CAP2: variants seen among roughly 807,000 people sequenced by gnomAD.
The protein encoded by CAP2 is cyclase associated actin cytoskeleton regulatory protein 2.
CAP2 carries 24 observed loss-of-function variants against 57.7 expected under a neutral mutation model. That is an observed-to-expected ratio of 0.42 (90% confidence interval 0.30 to 0.58). The LOEUF (loss-of-function observed/expected upper bound fraction) is 0.58. Among genes scored for constraint, CAP2 ranks in the 20% least tolerant of loss-of-function variants. The pLI is 0.22. For missense variants in CAP2, 501 were observed against 590.3 expected, an observed-to-expected ratio of 0.85 and a Z score of 1.57; for synonymous variants, 194 against 207.2, an observed-to-expected ratio of 0.94 and a Z score of 0.55.
chr6:17,477,982 C>T (rs1336514913), intron 4 of CAP2, among the ~76,000 whole-genome samples: 1 of 147,950 alleles, frequency 6.8e-6, no homozygotes, highest in African/African-American at 2.5e-5. Context: ...TTCCACTTTT[C>T]ATATATATGA....
At position 17,539,475 on chromosome 6, in the gene CAP2, G is replaced by A. The variant is rs767017305; in HGVS notation, c.826+17G>A. On this transcript the variant is annotated intron_variant, in intron 8 of 12. Transcript: ENST00000229922. ...TTACAAAAGGTGAGAGAGAAAAGAA[G>A]ACCTTGAAGCTGCCTCCCTTTCCCT... The A allele has an allele frequency of 3.7e-6, 6 of 1,603,204 alleles. No individual in the cohort carries two copies. In the African/African-American group the frequency reaches 6.7e-5, roughly 18 times the overall value.
intron 2 of CAP2, 121 bp from the exon 3 acceptor site, chr6:17,426,469 A>C (rs1313776583): frequency 1.4e-6 from 1 of 697,468 alleles, no homozygotes; most frequent in Non-Finnish European, 2.6e-6. Context: ...TCCTGACCTC[A>C]GGTGATCTGC....
intron 4 of CAP2, among the ~76,000 whole-genome samples, chr6:17,480,093 T>C (rs1170812301): frequency 6.6e-6 from 1 of 152,124 alleles, no homozygotes; most frequent in Non-Finnish European, 1.5e-5. Context: ...TCATCGTAAC[T>C]GTTGCTACAA....
chr6:17,483,181 T>C (rs1761335771), intron 4 of CAP2, among the ~76,000 whole-genome samples: 1 of 152,252 alleles, frequency 6.6e-6, no homozygotes, highest in South Asian at 2.1e-4. Flanking sequence ...TTCTTTATTG[T>C]TTATGAAGCC....
In CAP2 at chr6:17,530,864, C is replaced by A. The variant is rs968523840; in HGVS notation, c.637-8405C>A. On this transcript the variant is annotated intron_variant, in intron 7 of 12. Transcript: ENST00000229922. ...GAGCAGGTACTGTTTATTAACTGAC[C>A]AGCTTAGAAAAATAATCATGGTAGA... 5 of 1,042,022 alleles carry A rather than the reference C, an allele frequency of 4.8e-6. No homozygotes were observed. The East Asian group carries it at 9.7e-5, about 20-fold the overall frequency. The allele number at this position is 1,042,022 out of a possible 1,614,324, so 64.5% of individuals were successfully genotyped here. A position where few individuals can be genotyped will look rare whatever the true frequency, so the allele number is the denominator to read the frequency against.
At chr6:17,481,452 A>T (rs112707601) in intron 4 of CAP2, among the ~76,000 whole-genome samples, 1 of 152,070 alleles carries the variant, frequency 6.6e-6, no homozygotes, top group Non-Finnish European at 1.5e-5. Context: ...AACAAAAAAA[A>T]CTTTTGTTCA....
chr6:17,503,321 C>A (rs1028523525), intron 4 of CAP2, among the ~76,000 whole-genome samples: 1 of 152,068 alleles, frequency 6.6e-6, no homozygotes, highest in Non-Finnish European at 1.5e-5. Context: ...ATAAAGACAC[C>A]AGTCAGGCCG....
intron 3 of CAP2, among the ~76,000 whole-genome samples, chr6:17,430,161 C>T (rs980185146): frequency 6.6e-6 from 1 of 152,178 alleles, no homozygotes. Flanking sequence ...GCTTAATTTA[C>T]TGAACACTCA....
chr6:17,500,795 C>T (rs1443833508), intron 4 of CAP2, among the ~76,000 whole-genome samples: 1 of 152,134 alleles, frequency 6.6e-6, no homozygotes, highest in Non-Finnish European at 1.5e-5. Context: ...AATAACAGTT[C>T]TATGTTGACA....
At chr6:17,446,754 T>A (rs936329750) in intron 3 of CAP2, among the ~76,000 whole-genome samples, 1 of 152,332 alleles carries the variant, frequency 6.6e-6, no homozygotes, top group Admixed American at 6.5e-5. Flanking sequence ...TAAAAATGCT[T>A]GGAATCAAGA....
intron 12 of CAP2, among the ~76,000 whole-genome samples, chr6:17,555,276 G>T (rs1763272485): frequency 6.6e-6 from 1 of 151,490 alleles, no homozygotes; most frequent in African/African-American, 2.4e-5. Context: ...CTCACCACAA[G>T]CTCTGCCTCA....
At chr6:17,451,639 AG>A (rs1760406393) in intron 3 of CAP2, among the ~76,000 whole-genome samples, 1 of 152,008 alleles carries the variant, frequency 6.6e-6, no homozygotes, top group South Asian at 2.1e-4. Flanking sequence ...CCTCTCGAGT[AG>A]CTGGGATTAC....
chr6:17,420,174 T>A (rs183820009), intron 1 of CAP2, among the ~76,000 whole-genome samples: 32 of 152,304 alleles, frequency 2.1e-4, no homozygotes, highest in African/African-American at 7.2e-4. Context: ...CCAGTCACCC[T>A]GCCCCATTTT....
At chr6:17,529,437 C>A (rs185954186) in intron 7 of CAP2, among the ~76,000 whole-genome samples, 1 of 151,828 alleles carries the variant, frequency 6.6e-6, no homozygotes, top group East Asian at 1.9e-4. Context: ...GTCAGGAGAT[C>A]GAGACCATCC....
At chr6:17,487,534 A>G (rs1019745091) in intron 4 of CAP2, among the ~76,000 whole-genome samples, 1 of 152,148 alleles carries the variant, frequency 6.6e-6, no homozygotes, top group African/African-American at 2.4e-5. Flanking sequence ...CAGAGGCACC[A>G]TCTTGGCTCA....
intron 7 of CAP2, among the ~76,000 whole-genome samples, chr6:17,533,752 G>C (rs964835671): frequency 6.6e-6 from 1 of 151,976 alleles, no homozygotes; most frequent in Admixed American, 6.6e-5. Context: ...ATTTTTAGTA[G>C]AGATGGGATT....
chr6:17,444,843 C>CAA (rs376525304), intron 3 of CAP2, among the ~76,000 whole-genome samples: 1 of 139,632 alleles, frequency 7.2e-6, no homozygotes, highest in African/African-American at 2.7e-5. Context: ...CACACACACA[C>CAA]AACACGAGTC....
intron 11 of CAP2, among the ~76,000 whole-genome samples, chr6:17,544,483 G>A (rs1762993537): frequency 6.6e-6 from 1 of 151,642 alleles, no homozygotes; most frequent in South Asian, 2.1e-4. Flanking sequence ...TAGCCACATG[G>A]AATTTTATGA....
At chr6:17,494,447 G>A (rs1761615773) in intron 4 of CAP2, among the ~76,000 whole-genome samples, 2 of 151,890 alleles carry the variant, frequency 1.3e-5, no homozygotes, top group South Asian at 2.1e-4. Context: ...CTCTCTCTGG[G>A]GAGCCCTTCC....
Sources: gnomAD v4.1 joint callset for allele counts (sites outside exome capture counted in the v4.1 genomes callset) on GRCh38, gnomAD v4.1.1 for gene constraint, MANE v1.5 for transcripts, NCBI Gene and HGNC (gene_info 2026-07-23, HGNC 2026-07-21) for gene names.